Variants in DNM3 observed in about 807,000 individuals in gnomAD.
DNM3 encodes dynamin 3.
In DNM3, 47 loss-of-function variants were observed where a neutral mutation model predicts 101.6. That is an observed-to-expected ratio of 0.46 (90% CI 0.37 to 0.59). The LOEUF (loss-of-function observed/expected upper bound fraction) is 0.59, where lower values mean the gene tolerates loss of function less well. Among genes scored for constraint, DNM3 ranks in the 20% least tolerant of loss-of-function variants. The pLI is 0.00. For missense variants in DNM3, 849 were observed against 1,085.7 expected (o/e 0.78, Z 3.06); for synonymous variants, 385 against 387.9 (o/e 0.99, Z 0.09).
At chr1:172,238,385 C>G (rs2061621098) in intron 14 of DNM3, among the ~76,000 whole-genome samples, 1 of 152,096 alleles carries the variant, frequency 6.6e-6, no homozygotes, top group African/African-American at 2.4e-5. Context: ...CTCACCCCTA[C>G]TAATTTGCTA....
chr1:172,235,600 G>A (rs2061509697), intron 14 of DNM3, among the ~76,000 whole-genome samples: 3 of 152,180 alleles, frequency 2.0e-5, no homozygotes, highest in South Asian at 4.1e-4. Context: ...CAACCAAAAT[G>A]TCCAACGATG....
intron 19 of DNM3, among the ~76,000 whole-genome samples, chr1:172,388,008 C>T (rs1033709163): frequency 1.3e-5 from 2 of 152,066 alleles, no homozygotes; most frequent in Admixed American, 6.5e-5. Flanking sequence ...CCGAGGCAAG[C>T]GGATCACCTA....
intron 16 of DNM3, among the ~76,000 whole-genome samples, chr1:172,322,856 G>A (rs574177058): frequency 5.3e-5 from 8 of 151,354 alleles, no homozygotes; most frequent in African/African-American, 1.9e-4. Context: ...TGAAACCAAG[G>A]ATGCAGTGTT....
chr1:172,102,421 G>A lies in DNM3; in HGVS notation c.1545+9546G>A, dbSNP rs185900971. Among the ~76,000 whole-genome samples the A allele has an allele frequency of 7.5e-4, 114 of 152,094 alleles. 2 individuals are homozygous for A. In the South Asian group the frequency reaches 0.013, roughly 17 times the overall value. On this transcript the variant is annotated intron_variant, in intron 13 of 20. Transcript: ENST00000627582. ...TATACAGCCTGTTAATTTGTTCTGC[G>A]TCTTTGAGATCTAGAGTTTTATTTG...
At chr1:172,161,591 G>A (rs74126021) in intron 14 of DNM3, among the ~76,000 whole-genome samples, 3,329 of 151,954 alleles carry the variant, frequency 0.022, 112 homozygotes, top group African/African-American at 0.075. Context: ...TTTGAGAGGG[G>A]TACCACAAAT....
At chr1:172,052,080 T>C (rs1021595904) in intron 10 of DNM3, among the ~76,000 whole-genome samples, 3 of 152,202 alleles carry the variant, frequency 2.0e-5, no homozygotes, top group Non-Finnish European at 4.4e-5. Flanking sequence ...TTTAGCACTC[T>C]CTTCAAGCGA....
At chr1:172,055,901 T>C (rs2050566823) in intron 10 of DNM3, among the ~76,000 whole-genome samples, 1 of 152,108 alleles carries the variant, frequency 6.6e-6, no homozygotes, top group Admixed American at 6.5e-5. Flanking sequence ...CGCAGAAGAC[T>C]GGTGATTTCT....
chr1:172,009,654 G>C (rs762156248), intron 4 of DNM3, among the ~76,000 whole-genome samples: 1 of 151,474 alleles, frequency 6.6e-6, no homozygotes, highest in Non-Finnish European at 1.5e-5. Context: ...CAGCACTATC[G>C]TAGACCGATT....
intron 15 of DNM3, among the ~76,000 whole-genome samples, chr1:172,273,059 A>G (rs891696152): frequency 6.6e-6 from 1 of 152,140 alleles, no homozygotes; most frequent in African/African-American, 2.4e-5. Context: ...CTTAAGTGGC[A>G]TTAAAATGCT....
intron 15 of DNM3, among the ~76,000 whole-genome samples, chr1:172,277,242 G>A (rs1460756696): frequency 6.6e-6 from 1 of 152,022 alleles, no homozygotes; most frequent in Non-Finnish European, 1.5e-5. Flanking sequence ...ACTCTAACCA[G>A]CCTTAACGTT....
At chr1:172,035,354 C>T (rs2048883422) in intron 6 of DNM3, among the ~76,000 whole-genome samples, 1 of 152,090 alleles carries the variant, frequency 6.6e-6, no homozygotes, top group Non-Finnish European at 1.5e-5. Context: ...GAGACAACAT[C>T]TTACAGCTAT....
intron 7 of DNM3, among the ~76,000 whole-genome samples, chr1:172,038,755 C>T (rs1017393711): frequency 6.6e-6 from 1 of 152,020 alleles, no homozygotes; most frequent in Admixed American, 6.6e-5. Flanking sequence ...ATTTTTGTCC[C>T]TTGTCTTAGA....
chr1:172,202,344 T>C (rs1194425390), intron 14 of DNM3, among the ~76,000 whole-genome samples: 2 of 152,164 alleles, frequency 1.3e-5, no homozygotes, highest in Non-Finnish European at 2.9e-5. Context: ...GCCTGGTGCT[T>C]TATTTTTTGA....
chr1:172,093,827 AT>A (rs970304927), intron 13 of DNM3: 183 of 1,174,152 alleles, frequency 1.6e-4, no homozygotes, highest in African/African-American at 4.7e-4. Flanking sequence ...CTTGCTACTA[AT>A]TTTTTTTAAA....
At chr1:172,273,557 T>C (rs1323614289) in intron 15 of DNM3, among the ~76,000 whole-genome samples, 1 of 152,064 alleles carries the variant, frequency 6.6e-6, no homozygotes, top group Admixed American at 6.6e-5. Context: ...TAACAAAGAT[T>C]ATAGCAAGCA....
At chr1:172,121,134 A>G (rs2056289055) in intron 13 of DNM3, among the ~76,000 whole-genome samples, 1 of 152,130 alleles carries the variant, frequency 6.6e-6, no homozygotes, top group Non-Finnish European at 1.5e-5. Context: ...TCTGTTTTGT[A>G]TCATTTGGAA....
At chr1:172,369,070 C>T (rs1358160085) in intron 17 of DNM3, among the ~76,000 whole-genome samples, 2 of 151,988 alleles carry the variant, frequency 1.3e-5, no homozygotes, top group Non-Finnish European at 2.9e-5. Context: ...AGAATTAACA[C>T]CAATTCTTCT....
At chr1:172,164,817 TG>T (rs2058689922) in intron 14 of DNM3, among the ~76,000 whole-genome samples, 1 of 151,956 alleles carries the variant, frequency 6.6e-6, no homozygotes, top group African/African-American at 2.4e-5. Context: ...AGGAAGGTAG[TG>T]GGAGTGGTTT....
intron 14 of DNM3, chr1:172,138,786 T>G: frequency 2.5e-6 from 1 of 404,744 alleles, no homozygotes; most frequent in South Asian, 1.9e-5. Context: ...TTTCAATGGC[T>G]GGTTGTCATT....
Sources: allele counts gnomAD v4.1 joint callset (sites outside exome capture counted in the v4.1 genomes callset), GRCh38; gene constraint gnomAD v4.1.1; transcripts MANE v1.5; gene names NCBI Gene and HGNC (gene_info 2026-07-23, HGNC 2026-07-21).